PLPPR5: variants seen among roughly 807,000 people sequenced by gnomAD.
The protein encoded by PLPPR5 is phospholipid phosphatase related 5.
A neutral mutation model predicts 33.9 loss-of-function variants in PLPPR5; 16 were observed. That is an observed-to-expected ratio of 0.47 (90% CI 0.32 to 0.72). The LOEUF is 0.72. Ranked by LOEUF, PLPPR5 falls within the 30% of genes least tolerant of loss-of-function variation. The probability of loss-of-function intolerance (pLI) is 0.03; values close to 1 mark genes in which losing one functional copy is unlikely to be tolerated. For synonymous variants in PLPPR5, 163 were observed against 150.3 expected (o/e 1.08, Z -0.62); for missense variants, 301 against 406.7 (o/e 0.74, Z 2.23).
Position 99,004,740 on chromosome 1 carries a change from C to A in PLPPR5, c.-69G>T. 2 of 1,096,796 alleles carry A rather than the reference C, an allele frequency of 1.8e-6. No homozygotes were observed. The highest frequency in any genetic ancestry group is 4.3e-5 in the South Asian group (1 of 23,028). 67.9% of individuals were successfully genotyped at this position (1,096,796 alleles called of 1,614,324 possible). The stretch of plus-strand genomic sequence containing the variant: ...GACGCGGTGGGCCCCCTCCCCGGTC[C>A]GCCGAGGCAGCCACCGGGGGCGCGG... On this transcript the variant is annotated 5_prime_UTR_variant, in exon 1 of 6. Coordinates refer to ENST00000263177, the MANE Select transcript of PLPPR5 (RefSeq NM_001037317.2).
At chr1:98,895,013 T>C (rs1387900694) in intron 5 of PLPPR5, among the ~76,000 whole-genome samples, 1 of 152,056 alleles carries the variant, frequency 6.6e-6, no homozygotes. Context: ...AGGGTGCTAA[T>C]ACAACACAAG....
intron 1 of PLPPR5, among the ~76,000 whole-genome samples, chr1:98,984,092 A>C (rs1029441044): frequency 3.3e-5 from 5 of 151,980 alleles, no homozygotes; most frequent in Admixed American, 3.3e-4. Context: ...TGTATCTCAA[A>C]GCCAAAGCCA....
At chr1:99,002,969 C>A (rs1000452163) in intron 1 of PLPPR5, among the ~76,000 whole-genome samples, 1 of 142,266 alleles carries the variant, frequency 7.0e-6, no homozygotes, top group Non-Finnish European at 1.5e-5. Flanking sequence ...TTTTTTTTTT[C>A]TCTGCCAGCT....
At chr1:98,908,345 T>C (rs752109556) in intron 5 of PLPPR5, among the ~76,000 whole-genome samples, 2 of 152,200 alleles carry the variant, frequency 1.3e-5, no homozygotes, top group Non-Finnish European at 2.9e-5. Context: ...TTTTCACTCT[T>C]GGTGACACAG....
intron 5 of PLPPR5, among the ~76,000 whole-genome samples, chr1:98,901,695 C>T (rs1648700028): frequency 1.3e-5 from 2 of 151,980 alleles, no homozygotes; most frequent in African/African-American, 4.8e-5. Context: ...CAATGTTCTC[C>T]ATTGTTGCAG....
chr1:98,941,813 A>C (rs1650376860), intron 3 of PLPPR5, among the ~76,000 whole-genome samples: 1 of 151,564 alleles, frequency 6.6e-6, no homozygotes, highest in South Asian at 2.1e-4. Context: ...TCTCCTTCCA[A>C]GAGTTTCTTT....
chr1:98,953,402 A>C (rs1372691727), intron 2 of PLPPR5, 82 bp from the exon 3 acceptor site: 1 of 1,297,302 alleles, frequency 7.7e-7, no homozygotes, highest in African/African-American at 1.7e-5. Flanking sequence ...TGTGAATTTC[A>C]GTTTACAATA....
At chr1:98,956,538 G>T (rs1651006292) in intron 2 of PLPPR5, 71 bp downstream of exon 2, 4 of 1,384,436 alleles carry the variant, frequency 2.9e-6, no homozygotes, top group Middle Eastern at 1.8e-4. Context: ...TAACATGTGG[G>T]TTATTTTAAG....
intron 1 of PLPPR5, among the ~76,000 whole-genome samples, chr1:98,994,984 A>G (rs201678572): frequency 6.6e-6 from 1 of 152,180 alleles, no homozygotes; most frequent in African/African-American, 2.4e-5. Context: ...AATGGCTATT[A>G]TTAAAAAGTC....
intron 3 of PLPPR5, among the ~76,000 whole-genome samples, chr1:98,937,268 A>G (rs763598038): frequency 2.0e-5 from 3 of 152,156 alleles, no homozygotes; most frequent in Non-Finnish European, 2.9e-5. Flanking sequence ...TGCCTTCTAA[A>G]TCTCTTGTTG....
At chr1:98,914,659 C>A in intron 5 of PLPPR5, 127 bp downstream of exon 5, 1 of 819,176 alleles carries the variant, frequency 1.2e-6, no homozygotes, top group East Asian at 3.0e-5. Context: ...TGGCTAAATT[C>A]TTGCTAAATA....
chr1:98,911,687 T>C (rs1200387865), intron 5 of PLPPR5, among the ~76,000 whole-genome samples: 1 of 152,122 alleles, frequency 6.6e-6, no homozygotes. Context: ...AATGAAAAGG[T>C]TGTAATAGTT....
chr1:98,979,437 C>T (rs942596773), intron 1 of PLPPR5, among the ~76,000 whole-genome samples: 4 of 152,044 alleles, frequency 2.6e-5, no homozygotes. Context: ...AGTGATAGAG[C>T]CTATACAAAC....
chr1:98,913,693 A>G (rs959063444), intron 5 of PLPPR5, among the ~76,000 whole-genome samples: 2 of 152,242 alleles, frequency 1.3e-5, no homozygotes, highest in East Asian at 3.8e-4. Flanking sequence ...TTACACAATC[A>G]GAACACCTGA....
chr1:98,974,671 A>AGTT (rs771663231), intron 1 of PLPPR5, among the ~76,000 whole-genome samples: 1 of 152,036 alleles, frequency 6.6e-6, no homozygotes, highest in Non-Finnish European at 1.5e-5. Flanking sequence ...GGCAGGAGAA[A>AGTT]GTTATAGAGC....
intron 3 of PLPPR5, among the ~76,000 whole-genome samples, chr1:98,936,048 T>C (rs961040548): frequency 6.6e-6 from 1 of 152,182 alleles, no homozygotes; most frequent in Non-Finnish European, 1.5e-5. Flanking sequence ...TGGATTCAGA[T>C]CCTGTCTCCA....
At chr1:98,942,942 A>G (rs1307579472) in intron 3 of PLPPR5, among the ~76,000 whole-genome samples, 2 of 152,154 alleles carry the variant, frequency 1.3e-5, no homozygotes, top group African/African-American at 2.4e-5. Flanking sequence ...CTTAATATCC[A>G]TGGGGATTAC....
intron 3 of PLPPR5, among the ~76,000 whole-genome samples, chr1:98,944,883 G>A (rs898504361): frequency 3.9e-5 from 6 of 152,208 alleles, no homozygotes; most frequent in Admixed American, 1.3e-4. Flanking sequence ...GTATGCCCCA[G>A]GGGTCCAGGA....
chr1:98,969,725 T>TCTCC (rs1319837622), intron 1 of PLPPR5, among the ~76,000 whole-genome samples: 1 of 101,026 alleles, frequency 9.9e-6, no homozygotes, highest in African/African-American at 4.8e-5. Context: ...TACCTCTTTT[T>TCTCC]CTCCTTCCTT....
Sources: gnomAD v4.1 joint callset for allele counts (sites outside exome capture counted in the v4.1 genomes callset) on GRCh38, gnomAD v4.1.1 for gene constraint, MANE v1.5 for transcripts, NCBI Gene and HGNC (gene_info 2026-07-23, HGNC 2026-07-21) for gene names.